The following SORCS3 variants were observed in gnomAD, a reference collection of about 807,000 sequenced individuals.
The protein encoded by SORCS3 is sortilin related VPS10 domain containing receptor 3.
Under a neutral mutation model 146.3 loss-of-function variants are expected in SORCS3, and 57 were observed. That is an observed-to-expected ratio of 0.39 (90% CI 0.31 to 0.49). SORCS3 has a LOEUF of 0.49. Among genes scored for constraint, SORCS3 ranks in the 20% least tolerant of loss-of-function variants. The probability of loss-of-function intolerance (pLI) is 0.92; values close to 1 mark genes in which losing one functional copy is unlikely to be tolerated. For synonymous variants in SORCS3, 653 were observed against 618.5 expected (o/e 1.06, Z -0.83); for missense variants, 1,341 against 1,575.5 (o/e 0.85, Z 2.52).
intron 5 of SORCS3, among the ~76,000 whole-genome samples, chr10:105,080,833 T>C (rs2055619923): frequency 6.6e-6 from 1 of 152,118 alleles, no homozygotes; most frequent in Non-Finnish European, 1.5e-5. Context: ...TGAAACAGAA[T>C]AGAGAGCATG....
intron 4 of SORCS3, among the ~76,000 whole-genome samples, chr10:105,019,259 G>A (rs866627286): frequency 2.0e-5 from 3 of 152,124 alleles, no homozygotes; most frequent in Non-Finnish European, 2.9e-5. Context: ...GGGAGAATAT[G>A]ACCATTACTT....
intron 4 of SORCS3, among the ~76,000 whole-genome samples, chr10:105,008,046 C>A (rs552774957): frequency 7.2e-5 from 11 of 152,162 alleles, no homozygotes; most frequent in Non-Finnish European, 1.3e-4. Flanking sequence ...GCTGGCCTGG[C>A]ATGATTCTGA....
At position 104,669,894 on chromosome 10, in the gene SORCS3, GTT is replaced by G. The variant is rs34951100; in HGVS notation, c.627+27950_627+27951del. Among the ~76,000 whole-genome samples the G allele has an allele frequency of 2.2e-3, 316 of 145,486 alleles. 1 individual carries two copies. The highest frequency in any genetic ancestry group is 7.5e-3 in the African/African-American group (301 of 40,084). On this transcript the variant is annotated intron_variant, in intron 1 of 26. Transcript: ENST00000369701. ...CTCCACGTCCTCACCAACACTTTCT[GTT>G]TTTTTTTTTATAGTAGTCATCTGAA...
intron 1 of SORCS3, among the ~76,000 whole-genome samples, chr10:104,748,365 T>C (rs2016940486): frequency 1.3e-5 from 2 of 152,224 alleles, no homozygotes; most frequent in South Asian, 2.1e-4. Context: ...ATCAGTATTA[T>C]TGTTTTCCAT....
At chr10:105,146,144 CA>C (rs910196098) in intron 8 of SORCS3, among the ~76,000 whole-genome samples, 7 of 152,016 alleles carry the variant, frequency 4.6e-5, no homozygotes, top group Non-Finnish European at 1.0e-4. Context: ...GCATATACAC[CA>C]GTATGTTTAT....
At chr10:105,163,031 T>C (rs1365984403) in intron 11 of SORCS3, among the ~76,000 whole-genome samples, 1 of 152,044 alleles carries the variant, frequency 6.6e-6, no homozygotes, top group Non-Finnish European at 1.5e-5. Context: ...ATCTGGGGAG[T>C]TGAATTCCAA....
intron 1 of SORCS3, among the ~76,000 whole-genome samples, chr10:104,677,558 G>C (rs1402675890): frequency 1.3e-5 from 2 of 152,218 alleles, no homozygotes; most frequent in African/African-American, 4.8e-5. Context: ...AAACGTTGCT[G>C]AAGAAGAGGC....
At chr10:104,845,624 G>A (rs1195886213) in intron 2 of SORCS3, among the ~76,000 whole-genome samples, 1 of 152,160 alleles carries the variant, frequency 6.6e-6, no homozygotes, top group Admixed American at 6.5e-5. Context: ...CCAAGCGGGT[G>A]TAGTCTGTAT....
At position 104,651,524 on chromosome 10, in the gene SORCS3, G is replaced by A. The variant is rs189077838; in HGVS notation, c.627+9570G>A. On this transcript the variant is annotated intron_variant, in intron 1 of 26. Transcript: ENST00000369701. ...GCCTGGCCAACATAGTGAAACCTCCGGGCTCTACTAAAAAAAAAAAAAAAA... is the reference window on the plus strand; with the variant it reads ...GCCTGGCCAACATAGTGAAACCTCCAGGCTCTACTAAAAAAAAAAAAAAAA... 2.3e-3 allele frequency among the ~76,000 whole-genome samples: 312 copies of A among 134,720 alleles called. 2 individuals are homozygous for A. Among genetic ancestry groups the A allele is most frequent in the African/African-American group, 8.2e-3 (294 of 35,868 alleles). The allele number at this position is 134,720 out of a possible 152,430, so 88.4% of individuals were successfully genotyped here. A position where few individuals can be genotyped will look rare whatever the true frequency, so the allele number is the denominator to read the frequency against.
At chr10:104,961,836 G>C (rs2054797815) in intron 3 of SORCS3, among the ~76,000 whole-genome samples, 1 of 152,050 alleles carries the variant, frequency 6.6e-6, no homozygotes, top group Non-Finnish European at 1.5e-5. Flanking sequence ...AGAAACCTTT[G>C]AGTGACCTTC....
chr10:104,751,959 AT>A lies in SORCS3; in HGVS notation c.628-90832del, dbSNP rs1564675440. On this transcript the variant is annotated intron_variant, in intron 1 of 26. Coordinates refer to ENST00000369701, the MANE Select transcript of SORCS3 (RefSeq NM_014978.3). ...TATATATATATATATATATATATATATATATATATAATAGTTTAGCAGCAGG... is the reference window on the plus strand; with the variant it reads ...TATATATATATATATATATATATATAATATATATAATAGTTTAGCAGCAGG... Among the ~76,000 whole-genome samples, 760 of 112,000 alleles carry A rather than the reference AT, an allele frequency of 6.8e-3. 18 individuals are homozygous for A. Among genetic ancestry groups the A allele is most frequent in the African/African-American group, 0.021 (567 of 26,878 alleles). 73.5% of individuals were successfully genotyped at this position (112,000 alleles called of 152,430 possible).
chr10:105,040,171 T>C (rs1327403055), intron 4 of SORCS3, among the ~76,000 whole-genome samples: 4 of 152,144 alleles, frequency 2.6e-5, no homozygotes, highest in Non-Finnish European at 5.9e-5. Context: ...AAAAACTTAG[T>C]CTTTGCAATA....
intron 5 of SORCS3, among the ~76,000 whole-genome samples, chr10:105,066,482 T>A (rs2055523449): frequency 6.6e-6 from 1 of 152,180 alleles, no homozygotes; most frequent in Non-Finnish European, 1.5e-5. Context: ...TGCTTTTTCC[T>A]TGCCAGGAGC....
At chr10:104,930,120 G>A (rs2019192115) in intron 3 of SORCS3, among the ~76,000 whole-genome samples, 1 of 152,090 alleles carries the variant, frequency 6.6e-6, no homozygotes, top group African/African-American at 2.4e-5. Context: ...ATTTAACAGA[G>A]TGATTGAAAT....
intron 1 of SORCS3, among the ~76,000 whole-genome samples, chr10:104,726,007 C>T (rs1470324228): frequency 1.3e-5 from 2 of 152,220 alleles, no homozygotes; most frequent in East Asian, 3.8e-4. Flanking sequence ...CGACACTCCC[C>T]AATGAGATGA....
intron 1 of SORCS3, among the ~76,000 whole-genome samples, chr10:104,706,015 CAG>C (rs1297301140): frequency 6.6e-6 from 1 of 152,048 alleles, no homozygotes; most frequent in African/African-American, 2.4e-5. Context: ...TCTCCAATAA[CAG>C]GGTGCAGATT....
intron 16 of SORCS3, among the ~76,000 whole-genome samples, chr10:105,203,971 G>A (rs1170274250): frequency 6.6e-6 from 1 of 152,090 alleles, no homozygotes; most frequent in Non-Finnish European, 1.5e-5. Context: ...GTAGGATCTT[G>A]GGGTCTGATC....
chr10:105,065,795 A>G (rs955065147), intron 5 of SORCS3, among the ~76,000 whole-genome samples: 7 of 152,198 alleles, frequency 4.6e-5, no homozygotes, highest in African/African-American at 9.7e-5. Context: ...GAAGAAGAAA[A>G]AAGAAAGAAA....
rs140954910 is a variant in SORCS3, at chr10:105,193,466, CTG to C, written c.2010-6531_2010-6530del. Among the ~76,000 whole-genome samples the C allele has an allele frequency of 6.3e-3, 966 of 152,226 alleles. 10 individuals carry two copies. Among genetic ancestry groups the C allele is most frequent in the African/African-American group, 0.021 (873 of 41,544 alleles). ...TACCAGTGCAGACAAAGATGAATGACTGTAATAGATAAATCCTTTGTGTATAG... is the reference window on the plus strand; with the variant it reads ...TACCAGTGCAGACAAAGATGAATGACTAATAGATAAATCCTTTGTGTATAG... On this transcript the variant is annotated intron_variant, in intron 14 of 26. Transcript: ENST00000369701.
Sources: allele counts gnomAD v4.1 joint callset (sites outside exome capture counted in the v4.1 genomes callset), GRCh38; gene constraint gnomAD v4.1.1; transcripts MANE v1.5; gene names NCBI Gene and HGNC (gene_info 2026-07-23, HGNC 2026-07-21).